ALK: variants seen among roughly 807,000 people sequenced by gnomAD.
ALK encodes ALK tyrosine kinase receptor.
ALK carries 74 observed loss-of-function variants against 163.1 expected under a neutral mutation model. That is an observed-to-expected ratio of 0.45 (90% CI 0.38 to 0.55). The LOEUF is 0.55. Among genes scored for constraint, ALK ranks in the 20% least tolerant of loss-of-function variants. The pLI is 0.00. For synonymous variants in ALK, 960 were observed against 843.2 expected (o/e 1.14, Z -2.40); for missense variants, 2,063 against 2,105.3 (o/e 0.98, Z 0.39).
chr2:29,578,245 C>T (rs1014269684), intron 3 of ALK, among the ~76,000 whole-genome samples: 13 of 152,106 alleles, frequency 8.5e-5, no homozygotes, highest in South Asian at 2.1e-4. Context: ...CATGACTTGC[C>T]CCTCCTTGCC....
chr2:29,536,040 T>C (rs956883743), intron 3 of ALK, among the ~76,000 whole-genome samples: 1 of 152,190 alleles, frequency 6.6e-6, no homozygotes, highest in South Asian at 2.1e-4. Context: ...ATCATTTGTT[T>C]CTTAGATGCT....
At chr2:29,797,964 G>T (rs1046748574) in intron 1 of ALK, among the ~76,000 whole-genome samples, 1 of 152,088 alleles carries the variant, frequency 6.6e-6, no homozygotes, top group Admixed American at 6.5e-5. Flanking sequence ...GGAAGGCCAC[G>T]GGGTGGTAAG....
intron 11 of ALK, among the ~76,000 whole-genome samples, chr2:29,266,766 C>T (rs780837905): frequency 3.3e-5 from 5 of 152,158 alleles, no homozygotes; most frequent in Admixed American, 6.5e-5. Flanking sequence ...GTAGGTGCTT[C>T]GTGACTATTT....
chr2:29,232,160 C>G (rs1387505240), intron 15 of ALK, 144 bp downstream of exon 15: 18 of 1,212,248 alleles, frequency 1.5e-5, no homozygotes, highest in Non-Finnish European at 2.1e-5. Context: ...CCTGCCCTCC[C>G]TCCCTGGATA....
At chr2:29,250,591 G>A (rs72790269) in intron 12 of ALK, among the ~76,000 whole-genome samples, 7,556 of 152,188 alleles carry the variant, frequency 0.05, 206 homozygotes, top group Middle Eastern at 0.11. Context: ...GCTGGATCTC[G>A]TTCCAGCCTG....
rs141359766 is a variant in ALK at position 29,515,305 on chromosome 2, TTATACA to T, written c.1154+16604_1154+16609del. 1.2e-3 allele frequency among the ~76,000 whole-genome samples: 190 copies of T among 152,324 alleles called. 2 individuals carry two copies. In the East Asian group the frequency reaches 0.03, roughly 24 times the overall value. On this transcript the variant is annotated intron_variant, in intron 4 of 28. Transcript: ENST00000389048. ...ATGTATCACTGTGGCAATGACATAA[TTATACA>T]TATAATTGTAATGTAGTATATATTT...
chr2:29,430,710 T>C (rs1158683821), intron 4 of ALK, among the ~76,000 whole-genome samples: 1 of 152,236 alleles, frequency 6.6e-6, no homozygotes, highest in Non-Finnish European at 1.5e-5. Context: ...AGGTACTTAT[T>C]GCCTGGTATA....
intron 1 of ALK, among the ~76,000 whole-genome samples, chr2:29,872,657 T>A (rs1030412452): frequency 1.3e-5 from 2 of 152,214 alleles, no homozygotes; most frequent in African/African-American, 4.8e-5. Flanking sequence ...CAGGAAAATT[T>A]CAAAATTCAA....
At chr2:29,758,939 T>C (rs551416627) in intron 1 of ALK, among the ~76,000 whole-genome samples, 16 of 152,312 alleles carry the variant, frequency 1.1e-4, no homozygotes, top group East Asian at 3.9e-4. Flanking sequence ...TGTCCAACAA[T>C]TTGCCTTCTC....
At chr2:29,587,051 C>T (rs1037819421) in intron 3 of ALK, among the ~76,000 whole-genome samples, 1 of 152,190 alleles carries the variant, frequency 6.6e-6, no homozygotes, top group African/African-American at 2.4e-5. Flanking sequence ...CCACCAACAC[C>T]TCCCTACTCT....
At chr2:29,717,833 G>A in intron 1 of ALK, 136 bp from the exon 2 acceptor site, 1 of 1,141,650 alleles carries the variant, frequency 8.8e-7, no homozygotes. Flanking sequence ...GGAAAAAATT[G>A]AGCCACCAGT....
At chr2:29,251,079 CT>C (rs1664802633) in intron 12 of ALK, 25 bp downstream of exon 12, 1 of 1,610,978 alleles carries the variant, frequency 6.2e-7, no homozygotes, top group South Asian at 1.1e-5. Context: ...TGGTCTGCCC[CT>C]CCCCTCCCCC....
intron 5 of ALK, among the ~76,000 whole-genome samples, chr2:29,361,188 T>C (rs1425769983): frequency 1.3e-5 from 2 of 152,216 alleles, no homozygotes; most frequent in East Asian, 3.8e-4. Context: ...TTAGGAGTGG[T>C]GACAGCTTTC....
intron 4 of ALK, among the ~76,000 whole-genome samples, chr2:29,390,206 C>T (rs1669130519): frequency 6.6e-6 from 1 of 152,120 alleles, no homozygotes; most frequent in African/African-American, 2.4e-5. Context: ...ATGAACATGG[C>T]TGGGGACCTG....
At chr2:29,404,305 C>T (rs1173250871) in intron 4 of ALK, among the ~76,000 whole-genome samples, 2 of 38,148 alleles carry the variant, frequency 5.2e-5, no homozygotes, top group Non-Finnish European at 1.0e-4. Flanking sequence ...AAGACTCCGT[C>T]TCAAAAAAAA....
intron 4 of ALK, among the ~76,000 whole-genome samples, chr2:29,390,927 T>C (rs1299733093): frequency 6.6e-6 from 1 of 152,174 alleles, no homozygotes; most frequent in African/African-American, 2.4e-5. Flanking sequence ...ACAAGTTAGA[T>C]GAATGTGCTC....
intron 3 of ALK, among the ~76,000 whole-genome samples, chr2:29,567,522 G>T (rs919657406): frequency 1.0e-3 from 159 of 152,196 alleles, no homozygotes; most frequent in African/African-American, 3.7e-3. Flanking sequence ...TTTCTAGCAG[G>T]GGTAATATTT....
intron 3 of ALK, among the ~76,000 whole-genome samples, chr2:29,621,270 T>C (rs929167347): frequency 6.6e-6 from 1 of 152,196 alleles, no homozygotes; most frequent in African/African-American, 2.4e-5. Flanking sequence ...CTTAGATGAA[T>C]TGTTCATCGC....
At chr2:29,594,541 G>A (rs1472190374) in intron 3 of ALK, among the ~76,000 whole-genome samples, 1 of 149,694 alleles carries the variant, frequency 6.7e-6, no homozygotes. Flanking sequence ...CGATTCTCCT[G>A]CCTCCGCCTC....
Sources: gnomAD v4.1 joint callset for allele counts (sites outside exome capture counted in the v4.1 genomes callset) on GRCh38, gnomAD v4.1.1 for gene constraint, MANE v1.5 for transcripts, NCBI Gene and HGNC (gene_info 2026-07-23, HGNC 2026-07-21) for gene names.